Variants in ANO4 observed in about 807,000 individuals in gnomAD.
The protein encoded by ANO4 is anoctamin-4.
Under a neutral mutation model 141.9 loss-of-function variants are expected in ANO4, and 69 were observed. The ratio of observed to expected loss-of-function variants is 0.49; its 90% confidence interval spans 0.40 to 0.59. The LOEUF is 0.59. ANO4 is among the 20% of genes least tolerant of loss of function. The pLI, the probability that ANO4 is intolerant of heterozygous loss-of-function variation, is 0.00. For missense variants in ANO4, 894 were observed against 1,162.2 expected (o/e 0.77, Z 3.36); for synonymous variants, 350 against 394.3 (o/e 0.89, Z 1.33).
At chr12:100,854,048 G>A (rs976803343) in intron 1 of ANO4, among the ~76,000 whole-genome samples, 2 of 152,090 alleles carry the variant, frequency 1.3e-5, no homozygotes, top group African/African-American at 4.8e-5. Flanking sequence ...CTAAGAAGGA[G>A]CATCTTTTAT....
At chr12:101,010,095 T>C (rs1428767480) in intron 8 of ANO4, among the ~76,000 whole-genome samples, 1 of 152,174 alleles carries the variant, frequency 6.6e-6, no homozygotes, top group Non-Finnish European at 1.5e-5. Flanking sequence ...TATTATTACA[T>C]AGATCTGTCT....
chr12:101,007,792 T>C (rs1301646307), intron 8 of ANO4, among the ~76,000 whole-genome samples: 1 of 152,154 alleles, frequency 6.6e-6, no homozygotes, highest in East Asian at 1.9e-4. Flanking sequence ...TGATCATAGC[T>C]TACTGCAGCC....
intron 1 of ANO4, among the ~76,000 whole-genome samples, chr12:100,726,627 C>T (rs1295435479): frequency 6.6e-6 from 1 of 152,124 alleles, no homozygotes; most frequent in East Asian, 1.9e-4. Context: ...TTCTAATGGA[C>T]TCTCAGGTGG....
intron 14 of ANO4, chr12:101,067,148 G>T (rs2136774094): frequency 1.3e-5 from 4 of 311,616 alleles, no homozygotes; most frequent in South Asian, 1.1e-4. Flanking sequence ...TGAAAATTTT[G>T]ATTTCATCTA....
chr12:100,791,579 C>G (rs1462665940), upstream of ANO4, among the ~76,000 whole-genome samples: 1 of 152,196 alleles, frequency 6.6e-6, no homozygotes, highest in East Asian at 1.9e-4. Flanking sequence ...TCGGCTTCAA[C>G]TTGGACTTGT....
At chr12:100,916,949 C>T (rs944164733) in intron 2 of ANO4, among the ~76,000 whole-genome samples, 1 of 150,496 alleles carries the variant, frequency 6.6e-6, no homozygotes, top group African/African-American at 2.5e-5. Context: ...CATCATTGAA[C>T]TCCAGTCTGG....
At chr12:101,066,606 GCT>G (rs1422729389) in intron 14 of ANO4, 1 of 507,484 alleles carries the variant, frequency 2.0e-6, no homozygotes, top group African/African-American at 1.9e-5. Flanking sequence ...AATGGAAGAG[GCT>G]TTTTCTAGAG....
chr12:100,883,558 G>A (rs199868641), intron 1 of ANO4, among the ~76,000 whole-genome samples: 2 of 152,202 alleles, frequency 1.3e-5, no homozygotes, highest in East Asian at 1.9e-4. Context: ...CCTCTTGTAC[G>A]TGCATAAAAG....
At chr12:100,862,921 G>A (rs1056722211) in intron 1 of ANO4, among the ~76,000 whole-genome samples, 2 of 152,168 alleles carry the variant, frequency 1.3e-5, no homozygotes, top group African/African-American at 4.8e-5. Flanking sequence ...ATAATAAAGA[G>A]GGAAGAGGTA....
intron 1 of ANO4, among the ~76,000 whole-genome samples, chr12:100,804,255 T>TCCA: frequency 6.6e-6 from 1 of 152,184 alleles, no homozygotes; most frequent in Non-Finnish European, 1.5e-5. Context: ...TCCAGCTCCA[T>TCCA]TCATGTCCTT....
Position 100,872,978 on chromosome 12 carries a change from T to G in ANO4, c.-140-28668T>G, listed in dbSNP as rs139723007. On this transcript the variant is annotated intron_variant, in intron 1 of 27. Coordinates refer to ENST00000392977, the MANE Select transcript of ANO4 (RefSeq NM_001286615.2). ...GATAGTGAGTTCTCACAAGATCTGG[T>G]TGTTTAAAAGTGTGCAGCACCTCCC... 2.9e-3 allele frequency among the ~76,000 whole-genome samples: 446 copies of G among 152,252 alleles called. 2 individuals are homozygous for G. The highest frequency in any genetic ancestry group is 9.9e-3 in the African/African-American group (413 of 41,544).
intron 1 of ANO4, among the ~76,000 whole-genome samples, chr12:100,729,449 T>G (rs889383308): frequency 6.6e-6 from 1 of 150,474 alleles, no homozygotes; most frequent in Non-Finnish European, 1.5e-5. Flanking sequence ...TACTTTCTCA[T>G]GTATTAAATA....
chr12:101,090,090 A>G (rs1291890109), intron 17 of ANO4, among the ~76,000 whole-genome samples: 1 of 152,222 alleles, frequency 6.6e-6, no homozygotes, highest in African/African-American at 2.4e-5. Flanking sequence ...TTAAAAAGTC[A>G]GGAAACAACA....
At chr12:101,075,969 G>T (rs903902796) in intron 14 of ANO4, among the ~76,000 whole-genome samples, 1 of 151,994 alleles carries the variant, frequency 6.6e-6, no homozygotes, top group Non-Finnish European at 1.5e-5. Flanking sequence ...ACAAATAGAG[G>T]CAGATTCTTC....
intron 2 of ANO4, among the ~76,000 whole-genome samples, chr12:100,920,578 G>A (rs989828663): frequency 6.7e-6 from 1 of 148,690 alleles, no homozygotes; most frequent in South Asian, 2.2e-4. Context: ...TTTAATTCTG[G>A]ACCAGCAGGA....
intron 8 of ANO4, among the ~76,000 whole-genome samples, chr12:101,014,082 C>T (rs1324280821): frequency 1.3e-5 from 2 of 151,932 alleles, no homozygotes; most frequent in Admixed American, 6.6e-5. Context: ...TTCACCTTTG[C>T]ATTCCCCTCT....
At chr12:101,059,966 G>C (rs1208581997) in intron 14 of ANO4, among the ~76,000 whole-genome samples, 1 of 152,120 alleles carries the variant, frequency 6.6e-6, no homozygotes, top group Non-Finnish European at 1.5e-5. Context: ...TTTTAATTGT[G>C]ATGTTAGGAT....
At chr12:100,830,869 G>A (rs2036595321) in intron 1 of ANO4, among the ~76,000 whole-genome samples, 1 of 152,096 alleles carries the variant, frequency 6.6e-6, no homozygotes, top group Admixed American at 6.6e-5. Flanking sequence ...GAGCACAAAA[G>A]TGTGGATTTT....
intron 3 of ANO4, among the ~76,000 whole-genome samples, chr12:100,924,872 A>G (rs1399773322): frequency 6.6e-6 from 1 of 152,136 alleles, no homozygotes. Context: ...CTATTTTTAT[A>G]GTAATTTTTA....
Sources: gnomAD v4.1 joint callset for allele counts (sites outside exome capture counted in the v4.1 genomes callset) on GRCh38, gnomAD v4.1.1 for gene constraint, MANE v1.5 for transcripts, NCBI Gene and HGNC (gene_info 2026-07-23, HGNC 2026-07-21) for gene names.